Variants in EYA2 observed in about 807,000 individuals in gnomAD.
The protein encoded by EYA2 is protein phosphatase EYA2.
EYA2 carries 31 observed loss-of-function variants against 69.2 expected under a neutral mutation model. That is an observed-to-expected ratio of 0.45 (90% CI 0.34 to 0.60). The LOEUF is 0.60. Ranked by LOEUF, EYA2 falls within the 20% of genes least tolerant of loss-of-function variation. The pLI, the probability that EYA2 is intolerant of heterozygous loss-of-function variation, is 0.02. For synonymous variants in EYA2, 257 were observed against 279.4 expected (o/e 0.92, Z 0.80); for missense variants, 622 against 701.2 (o/e 0.89, Z 1.28).
rs115224612 is a variant in EYA2 at position 46,950,730 on chromosome 20, G to A, written c.-10-39271G>A. 4.3e-3 allele frequency among the ~76,000 whole-genome samples: 655 copies of A among 152,308 alleles called. 7 individuals are homozygous for A. Among genetic ancestry groups the A allele is most frequent in the African/African-American group, 0.015 (638 of 41,560 alleles). ...GCACAGCTTTAGCAGAGGCCCCAGC[G>A]AGCAGGCACTAGCTTTATGTGTGTT... On this transcript the variant is annotated intron_variant, in intron 1 of 15. Transcript: ENST00000327619.
intron 9 of EYA2, among the ~76,000 whole-genome samples, chr20:47,100,880 C>G (rs981847354): frequency 2.0e-5 from 3 of 152,280 alleles, no homozygotes; most frequent in Admixed American, 6.5e-5. Flanking sequence ...GGAAGCAGTT[C>G]AAGCTGGGGA....
At chr20:47,156,127 C>CATATATATAT (rs752111640) in intron 10 of EYA2, among the ~76,000 whole-genome samples, 3 of 14,656 alleles carry the variant, frequency 2.0e-4, no homozygotes, top group African/African-American at 3.0e-4. Flanking sequence ...CACACACACA[C>CATATATATAT]ATATATATAT....
At chr20:47,000,786 TG>T (rs1982317338) in intron 2 of EYA2, among the ~76,000 whole-genome samples, 1 of 152,166 alleles carries the variant, frequency 6.6e-6, no homozygotes, top group South Asian at 2.1e-4. Flanking sequence ...TCCATCTCTC[TG>T]CTCCACCACC....
intron 4 of EYA2, among the ~76,000 whole-genome samples, chr20:47,008,523 C>A (rs1374010538): frequency 6.6e-6 from 1 of 152,348 alleles, no homozygotes; most frequent in Non-Finnish European, 1.5e-5. Context: ...TAAGTTACCC[C>A]GCTTGGCTGA....
At chr20:47,121,988 T>A (rs1428513191) in intron 9 of EYA2, among the ~76,000 whole-genome samples, 2 of 152,144 alleles carry the variant, frequency 1.3e-5, no homozygotes, top group Non-Finnish European at 2.9e-5. Flanking sequence ...CTTAAACATA[T>A]CCTTTTTATT....
intron 1 of EYA2, among the ~76,000 whole-genome samples, chr20:46,912,681 T>G (rs986033629): frequency 2.5e-5 from 2 of 81,540 alleles, no homozygotes; most frequent in Admixed American, 1.6e-4. Context: ...GGAAGAGGAA[T>G]TTTTAATTTT....
intron 5 of EYA2, among the ~76,000 whole-genome samples, chr20:47,046,667 C>T (rs2030055371): frequency 6.6e-6 from 1 of 152,200 alleles, no homozygotes; most frequent in Admixed American, 6.5e-5. Context: ...CCTTTCTGGA[C>T]TAGTCCATTC....
chr20:46,982,596 C>T (rs1423684915), intron 1 of EYA2, among the ~76,000 whole-genome samples: 1 of 152,082 alleles, frequency 6.6e-6, no homozygotes, highest in Non-Finnish European at 1.5e-5. Context: ...AGATCTTTTA[C>T]CATGTACCAT....
chr20:47,018,339 G>C (rs1208301140), intron 5 of EYA2, among the ~76,000 whole-genome samples: 1 of 152,180 alleles, frequency 6.6e-6, no homozygotes, highest in Non-Finnish European at 1.5e-5. Context: ...TTGAGCACCA[G>C]CTTGACACCT....
intron 5 of EYA2, among the ~76,000 whole-genome samples, chr20:47,042,900 A>G (rs1985158057): frequency 6.6e-6 from 1 of 152,200 alleles, no homozygotes; most frequent in Non-Finnish European, 1.5e-5. Flanking sequence ...GATTTGTGTT[A>G]TATGGCCACT....
chr20:47,044,712 A>T (rs546638492), intron 5 of EYA2, among the ~76,000 whole-genome samples: 2 of 152,296 alleles, frequency 1.3e-5, no homozygotes, highest in South Asian at 4.1e-4. Flanking sequence ...CTCTCATTTC[A>T]TCTCACAAAA....
chr20:46,905,954 C>T (rs901524223), intron 1 of EYA2, among the ~76,000 whole-genome samples: 3 of 151,164 alleles, frequency 2.0e-5, no homozygotes, highest in East Asian at 1.9e-4. Flanking sequence ...AGGTAGCTAC[C>T]GTTTGGGGAC....
intron 1 of EYA2, among the ~76,000 whole-genome samples, chr20:46,958,057 C>T (rs1173948344): frequency 6.6e-6 from 1 of 152,160 alleles, no homozygotes; most frequent in Non-Finnish European, 1.5e-5. Flanking sequence ...AAGTTGATCG[C>T]TAAGACTTAT....
In EYA2 at chr20:46,915,657, A is replaced by G. The variant is rs190994456; in HGVS notation, c.-11+20670A>G. 7.4e-3 allele frequency among the ~76,000 whole-genome samples: 1,130 copies of G among 152,278 alleles called. 10 individuals are homozygous for G. Among genetic ancestry groups the G allele is most frequent in the Middle Eastern group, 0.01 (3 of 294 alleles). On this transcript the variant is annotated intron_variant, in intron 1 of 15. Transcript: ENST00000327619. ...TTGGCCTGAGATTGTTTTGATTTGA[A>G]TGAGTTGCCGGCATTTAAAAATTAG...
At chr20:47,065,108 C>G (rs1358179195) in intron 5 of EYA2, among the ~76,000 whole-genome samples, 1 of 152,144 alleles carries the variant, frequency 6.6e-6, no homozygotes, top group Non-Finnish European at 1.5e-5. Context: ...TCACTATCAC[C>G]AGAACAGCAT....
intron 5 of EYA2, among the ~76,000 whole-genome samples, chr20:47,038,930 T>C (rs1163580903): frequency 6.6e-6 from 1 of 152,074 alleles, no homozygotes; most frequent in African/African-American, 2.4e-5. Context: ...CAAAAAAACA[T>C]TGATCTTTTT....
chr20:47,178,625 G>C (rs2034469848), intron 12 of EYA2, among the ~76,000 whole-genome samples: 1 of 152,068 alleles, frequency 6.6e-6, no homozygotes, highest in Non-Finnish European at 1.5e-5. Context: ...AAATACCCAG[G>C]GTAGCTCTGG....
At chr20:46,970,224 C>T (rs769667744) in intron 1 of EYA2, among the ~76,000 whole-genome samples, 5 of 152,206 alleles carry the variant, frequency 3.3e-5, no homozygotes, top group African/African-American at 9.6e-5. Flanking sequence ...AATGTGAATT[C>T]ATCTTTTTCT....
chr20:47,179,717 G>A, intron 12 of EYA2, 81 bp from the exon 13 acceptor site: 2 of 964,348 alleles, frequency 2.1e-6, no homozygotes, highest in Non-Finnish European at 3.2e-6. Context: ...TCAGGGTACA[G>A]TAGCTAGATT....
Sources: gnomAD v4.1 joint callset for allele counts (sites outside exome capture counted in the v4.1 genomes callset) on GRCh38, gnomAD v4.1.1 for gene constraint, MANE v1.5 for transcripts, NCBI Gene and HGNC (gene_info 2026-07-23, HGNC 2026-07-21) for gene names.